The following CXorf58 variants were observed in gnomAD, a reference collection of about 807,000 sequenced individuals.
CXorf58 encodes uncharacterized protein CXorf58.
In CXorf58, 24 loss-of-function variants were observed where a neutral mutation model predicts 26.0. The observed-to-expected ratio is 0.92, with a 90% confidence interval of 0.67 to 1.30. The LOEUF (loss-of-function observed/expected upper bound fraction) is 1.30. Among genes scored for constraint, CXorf58 ranks in the 50% most tolerant of loss-of-function variants. The pLI, the probability that CXorf58 is intolerant of heterozygous loss-of-function variation, is 0.00. For synonymous variants in CXorf58, 87 were observed against 86.1 expected, an observed-to-expected ratio of 1.01 and a Z score of -0.06; for missense variants, 236 against 263.9, an observed-to-expected ratio of 0.89 and a Z score of 0.73.
chrX:23,927,989 C>T (rs1740053881), intron 6 of CXorf58, among the ~76,000 whole-genome samples: 1 of 111,356 alleles, frequency 9.0e-6, no homozygotes, highest in Non-Finnish European at 1.9e-5. Flanking sequence ...AACCACCAGT[C>T]TGCATTGTCT....
At position 23,939,100 on chromosome X, in the gene CXorf58, ACATGTATT is replaced by A. The variant is rs111654866; in HGVS notation, c.940-138_940-131del. ...TTTACATCATAGGAATTTACAACAG[ACATGTATT>A]CATGTTATTACTTTGTAATTTAAAA... On this transcript the variant is annotated intron_variant, in intron 8 of 8. Coordinates refer to ENST00000379211, the MANE Select transcript of CXorf58 (RefSeq NM_152761.3). 52 of 424,027 alleles carry A rather than the reference ACATGTATT, an allele frequency of 1.2e-4. 1 individual carries two copies. Among genetic ancestry groups the A allele is most frequent in the African/African-American group, 1.0e-3 (41 of 39,967 alleles). The allele number at this position is 424,027 out of a possible 1,213,427, so 34.9% of individuals were successfully genotyped here. A position where few individuals can be genotyped will look rare whatever the true frequency, so the allele number is the denominator to read the frequency against.
Position 23,911,777 on chromosome X carries a change from C to G in CXorf58, c.137C>G (p.Ala46Gly). The stretch of plus-strand genomic sequence containing the variant: ...CTCAGAATGCTTAAAGACATTTCAG[C>G]TCAAATAATACAGAGGGCTTGGTTA... ...SLLSMLKDIS[A>G]QIIQRAWLSH... is the part of the protein sequence containing the mutation. Residue 46 changes from alanine (A) to glycine (G), a missense_variant, in exon 3 of 9, where the codon GCT becomes GGT. Ala to Gly is a moderately conservative substitution (Grantham distance 60, BLOSUM62 0). Coordinates refer to ENST00000379211, the MANE Select transcript of CXorf58 (RefSeq NM_152761.3). 1 of 1,188,522 alleles carries G rather than the reference C, an allele frequency of 8.4e-7. No individual in the cohort carries two copies. Among genetic ancestry groups the G allele is most frequent in the Non-Finnish European group, 1.1e-6 (1 of 881,119 alleles).
In CXorf58 at chrX:23,938,703, A is replaced by G; in HGVS notation, c.939+3A>G. The G allele has an allele frequency of 1.8e-6, 2 of 1,133,861 alleles. No individual in the cohort carries two copies. Among genetic ancestry groups the G allele is most frequent in the Non-Finnish European group, 1.2e-6 (1 of 841,746 alleles). 93.4% of individuals were successfully genotyped at this position (1,133,861 alleles called of 1,213,427 possible). ...AAAAAAATACTTCTGAGGTGACTGTAAGTTTAACTTGTACTGAATTCATTG... is the reference window on the plus strand; with the variant it reads ...AAAAAAATACTTCTGAGGTGACTGTGAGTTTAACTTGTACTGAATTCATTG... On this transcript the variant is annotated splice_donor_region_variant and intron_variant, in intron 8 of 8. Coordinates refer to ENST00000379211, the MANE Select transcript of CXorf58 (RefSeq NM_152761.3).
chrX:23,908,898 TAGA>T (rs1301242789), intron 1 of CXorf58, among the ~76,000 whole-genome samples: 4 of 111,521 alleles, frequency 3.6e-5, no homozygotes, highest in Non-Finnish European at 5.7e-5. Flanking sequence ...GTAAAAGAGT[TAGA>T]TTTATTATAG....
intron 6 of CXorf58, among the ~76,000 whole-genome samples, chrX:23,928,616 A>T (rs1343325275): frequency 9.0e-6 from 1 of 111,525 alleles, no homozygotes; most frequent in African/African-American, 3.3e-5. Flanking sequence ...AATATTTCAA[A>T]TCTTTTCATT....
intron 6 of CXorf58, among the ~76,000 whole-genome samples, chrX:23,927,762 G>A (rs891682745): frequency 3.6e-5 from 4 of 111,004 alleles, no homozygotes; most frequent in Admixed American, 2.9e-4. Flanking sequence ...TCCACCCTCT[G>A]GTAAGTCCCA....
chrX:23,919,398 T>C (rs907865110), intron 5 of CXorf58, among the ~76,000 whole-genome samples: 2 of 112,474 alleles, frequency 1.8e-5, no homozygotes, highest in African/African-American at 6.5e-5. Flanking sequence ...ATTTTTCAGC[T>C]CCAGAATTTC....
At chrX:23,927,094 CA>C in intron 5 of CXorf58, 144 bp from the exon 6 acceptor site, 1 of 403,905 alleles carries the variant, frequency 2.5e-6, no homozygotes, top group Non-Finnish European at 4.3e-6. Context: ...AATCTCTTTG[CA>C]AATGCAGCCT....
At chrX:23,909,858 G>A (rs766571948) in intron 1 of CXorf58, among the ~76,000 whole-genome samples, 3 of 111,659 alleles carry the variant, frequency 2.7e-5, no homozygotes, top group Non-Finnish European at 5.7e-5. Flanking sequence ...GATAAAACTG[G>A]GACAAAACGT....
chrX:23,910,551 G>C (rs763427810), intron 2 of CXorf58, 133 bp downstream of exon 2: 19 of 417,359 alleles, frequency 4.6e-5, no homozygotes, highest in Admixed American at 1.5e-4. Flanking sequence ...CTTTCAAATT[G>C]AGTAATTATA....
chrX:23,938,586 C>G lies in CXorf58; in HGVS notation c.825C>G (p.Tyr275Ter). 1 of 1,195,639 alleles carries G rather than the reference C, an allele frequency of 8.4e-7. No homozygotes were observed. The highest frequency in any genetic ancestry group is 1.1e-6 in the Non-Finnish European group (1 of 887,800). The part of the protein sequence containing the change: ...YLTVQPLYRP[Y>*]KQQNQVKFLG... ...CTGTCCAACCTCTATATCGGCCCTA[C>G]AAACAGCAAAATCAAGTTAAATTTC... The change falls in exon 8 of 9, where the codon TAC becomes TAG. Residue 275 changes from tyrosine (Y) to a stop codon, truncating the protein, a stop_gained. Transcript: ENST00000379211. LOFTEE classifies it high-confidence loss of function.
intron 3 of CXorf58, among the ~76,000 whole-genome samples, chrX:23,912,481 A>G (rs1328557202): frequency 1.8e-5 from 2 of 111,208 alleles, no homozygotes; most frequent in African/African-American, 3.3e-5. Context: ...TGCAAGGTGC[A>G]GCATCTCACG....
At chrX:23,919,010 C>T (rs1165831959) in intron 5 of CXorf58, among the ~76,000 whole-genome samples, 5 of 111,711 alleles carry the variant, frequency 4.5e-5, no homozygotes, top group African/African-American at 1.6e-4. Flanking sequence ...TTTCTTTATC[C>T]TTGACCTTTG....
chrX:23,922,848 T>C (rs770492257), intron 5 of CXorf58, among the ~76,000 whole-genome samples: 2 of 112,407 alleles, frequency 1.8e-5, no homozygotes, highest in African/African-American at 6.5e-5. Flanking sequence ...CTTGAGATAC[T>C]AGAGTAGCTT....
intron 5 of CXorf58, 109 bp downstream of exon 5, chrX:23,916,437 C>A (rs116158322): frequency 1.1e-5 from 5 of 458,045 alleles, no homozygotes; most frequent in Middle Eastern, 6.1e-4. Flanking sequence ...ATGAAACAGC[C>A]CACCAGGTAG....
chrX:23,912,231 G>A (rs982880328), intron 3 of CXorf58, among the ~76,000 whole-genome samples: 3 of 111,136 alleles, frequency 2.7e-5, no homozygotes, highest in Non-Finnish European at 5.7e-5. Context: ...GATTACAGGC[G>A]TGAGCCACCA....
intron 3 of CXorf58, among the ~76,000 whole-genome samples, chrX:23,913,025 A>G (rs966609845): frequency 9.1e-6 from 1 of 109,389 alleles, no homozygotes; most frequent in Non-Finnish European, 1.9e-5. Context: ...GCATGATCCT[A>G]CTTGAGTGAA....
intron 8 of CXorf58, 23 bp from the exon 9 acceptor site, chrX:23,939,221 C>G: frequency 8.9e-7 from 1 of 1,122,832 alleles, no homozygotes; most frequent in Non-Finnish European, 1.2e-6. Flanking sequence ...ACACTTCCTA[C>G]TTTTATTGAT....
chrX:23,930,196 CAAAAA>C (rs752970734), intron 6 of CXorf58, among the ~76,000 whole-genome samples: 81 of 36,754 alleles, frequency 2.2e-3, no homozygotes, highest in Middle Eastern at 0.074. Context: ...GACTCTGTCT[CAAAAA>C]AAAAAAAAAA....
Sources: gnomAD v4.1 joint callset for allele counts (sites outside exome capture counted in the v4.1 genomes callset) on GRCh38, gnomAD v4.1.1 for gene constraint, MANE v1.5 for transcripts, NCBI Gene and HGNC (gene_info 2026-07-23, HGNC 2026-07-21) for gene names.